Variants in CFAP54 observed in about 807,000 individuals in gnomAD.
The protein encoded by CFAP54 is cilia- and flagella-associated protein 54.
In CFAP54, 290 loss-of-function variants were observed where a neutral mutation model predicts 370.4. The ratio of observed to expected loss-of-function variants is 0.78; its 90% CI spans 0.71 to 0.86. The LOEUF (loss-of-function observed/expected upper bound fraction) is 0.86, where lower values mean the gene tolerates loss of function less well. CFAP54 is among the 40% of genes least tolerant of loss of function. The pLI is 0.00. For synonymous variants in CFAP54, 1,206 were observed against 1,236.5 expected, an observed-to-expected ratio of 0.98 and a Z score of 0.52; for missense variants, 3,399 against 3,528.7, an observed-to-expected ratio of 0.96 and a Z score of 0.93.
chr12:96,795,892 G>T (rs1362642835), intron 63 of CFAP54, among the ~76,000 whole-genome samples: 1 of 152,110 alleles, frequency 6.6e-6, no homozygotes, highest in East Asian at 1.9e-4. Context: ...TCCACTGGCA[G>T]CCCTCCCCAA....
intron 20 of CFAP54, among the ~76,000 whole-genome samples, chr12:96,579,314 G>A (rs1343355325): frequency 6.6e-6 from 1 of 151,862 alleles, no homozygotes; most frequent in Non-Finnish European, 1.5e-5. Flanking sequence ...AATGTTCTTT[G>A]GAAAGACAAA....
At chr12:96,674,342 T>C (rs950063654) in intron 39 of CFAP54, among the ~76,000 whole-genome samples, 18 of 139,850 alleles carry the variant, frequency 1.3e-4, no homozygotes, top group African/African-American at 5.2e-4. Context: ...TTTTCTTTTT[T>C]TTTTTTTTTT....
Position 96,807,522 on chromosome 12 carries a change from C to G in CFAP54, c.8851-4214C>G, listed in dbSNP as rs146535048. On this transcript the variant is annotated intron_variant, in intron 63 of 67. Coordinates refer to ENST00000524981, the MANE Select transcript of CFAP54 (RefSeq NM_001306084.2). ...AAATTCAATAGTCCTCAGTGTTTTT[C>G]AAAACCATATCACTTCTTTGCCATT... 2.0e-5 allele frequency among the ~76,000 whole-genome samples: 3 copies of G among 152,244 alleles called. No homozygotes were observed. In the East Asian group the frequency reaches 5.8e-4, roughly 29 times the overall value.
chr12:96,792,609 G>T lies in CFAP54; in HGVS notation c.8850+110G>T. 4 of 744,632 alleles carry T rather than the reference G, an allele frequency of 5.4e-6. No individual in the cohort carries two copies. In the South Asian group the frequency reaches 8.2e-5, roughly 15 times the overall value. 46.1% of individuals were successfully genotyped at this position (744,632 alleles called of 1,614,324 possible). ...TCTCTTATCATATAGATGAGAACAG[G>T]TATCAATATATAATCTACATTGTCT... On this transcript the variant is annotated intron_variant, in intron 63 of 67. Transcript: ENST00000524981.
At chr12:96,772,625 T>C (rs142223003) in intron 60 of CFAP54, among the ~76,000 whole-genome samples, 19 of 148,156 alleles carry the variant, frequency 1.3e-4, no homozygotes, top group African/African-American at 4.5e-4. Context: ...GGAGTTTTGC[T>C]CTTGTTGCCC....
chr12:96,601,894 T>C (rs1956246749), intron 26 of CFAP54, among the ~76,000 whole-genome samples: 1 of 152,208 alleles, frequency 6.6e-6, no homozygotes, highest in African/African-American at 2.4e-5. Flanking sequence ...CTGTTGATCT[T>C]TTCAAAAAAC....
chr12:96,744,099 T>A lies in CFAP54; in HGVS notation c.7637T>A (p.Ile2546Asn). Residue 2546 changes from isoleucine to asparagine, a missense_variant, in exon 55 of 68, where the codon ATC (isoleucine) becomes AAC (asparagine). Around this residue, in one of 3 missense-constraint regions of CFAP54, gnomAD observed 2,796 missense variants for 2,869.7 expected, o/e 0.97. Transcript: ENST00000524981. ...YANPLQPLKN[I>N]YLPHVMLLAK... ...AATCCATTACAGCCTTTGAAAAATA[T>A]CTATCTTCCCCATGTCATGTTATTG... 1.2e-6 allele frequency: 2 copies of A among 1,610,368 alleles called. No individual in the cohort carries two copies. The highest frequency in any genetic ancestry group is 1.7e-6 in the Non-Finnish European group (2 of 1,177,240).
Position 96,554,813 on chromosome 12 carries a change from C to G in CFAP54, c.2410+11C>G, listed in dbSNP as rs928446721. On this transcript the variant is annotated intron_variant, in intron 17 of 67. Coordinates refer to ENST00000524981, the MANE Select transcript of CFAP54 (RefSeq NM_001306084.2). ...TGGACAAATTGCAAGGTAGTAGTCA[C>G]TAAAGCAAGTAACCATTCTGAATCA... 1 of 1,523,510 alleles carries G rather than the reference C, an allele frequency of 6.6e-7. No homozygotes were observed. The highest frequency in any genetic ancestry group is 1.4e-5 in the African/African-American group (1 of 72,774). 94.4% of individuals were successfully genotyped at this position (1,523,510 alleles called of 1,614,324 possible).
intron 65 of CFAP54, among the ~76,000 whole-genome samples, chr12:96,827,965 C>T (rs1959141872): frequency 1.1e-5 from 1 of 89,952 alleles, no homozygotes. Flanking sequence ...ATATATAATA[C>T]ATAGTAATAT....
intron 39 of CFAP54, among the ~76,000 whole-genome samples, chr12:96,672,354 A>C (rs1957157000): frequency 6.6e-6 from 1 of 152,160 alleles, no homozygotes; most frequent in Non-Finnish European, 1.5e-5. Flanking sequence ...TGTAGGTGGT[A>C]AAGGTAGAGA....
intron 14 of CFAP54, among the ~76,000 whole-genome samples, chr12:96,541,966 C>G (rs961074510): frequency 1.3e-5 from 2 of 151,940 alleles, no homozygotes; most frequent in Admixed American, 6.6e-5. Context: ...TGTCTTCTCT[C>G]AAAGGATGGC....
intron 46 of CFAP54, among the ~76,000 whole-genome samples, chr12:96,702,058 C>T (rs560637301): frequency 3.9e-5 from 6 of 151,990 alleles, no homozygotes; most frequent in South Asian, 4.2e-4. Flanking sequence ...AACAGCAGTC[C>T]GGTTCTGGGT....
chr12:96,582,261 C>T (rs1040654498), intron 22 of CFAP54, among the ~76,000 whole-genome samples: 2 of 151,980 alleles, frequency 1.3e-5, no homozygotes, highest in Non-Finnish European at 1.5e-5. Context: ...TGTTTTTTGT[C>T]GAAATAGTTG....
In CFAP54 at chr12:96,679,592, C is replaced by T; in HGVS notation, c.5564-8C>T. On this transcript the variant is annotated splice_region_variant and splice_polypyrimidine_tract_variant and intron_variant, in intron 39 of 67. Transcript: ENST00000524981. ...CATCCCCAATATTCCGCTTTTCTTT[C>T]CTTTCAGAATACAGCCGAGCCAAAG... 6.2e-7 allele frequency: 1 copy of T among 1,605,002 alleles called. No homozygotes were observed. The highest frequency in any genetic ancestry group is 8.5e-7 in the Non-Finnish European group (1 of 1,175,714).
chr12:96,691,242 A>G lies in CFAP54; in HGVS notation c.6196A>G (p.Ile2066Val). The G allele has an allele frequency of 5.0e-6, 8 of 1,612,668 alleles. No homozygotes were observed. Among genetic ancestry groups the G allele is most frequent in the Non-Finnish European group, 6.8e-6 (8 of 1,179,384 alleles). ...ELFSDRYRAD[I>V]CSVIASLYYI... ...CTTCTCAGATAGATACAGGGCTGAC[A>G]TTTGCTCTGTAATTGCAAGTCTGTA... Residue 2066 changes from isoleucine to valine, a missense_variant, in exon 44 of 68, where the codon ATT (isoleucine) becomes GTT (valine). Around this residue, in one of 3 missense-constraint regions of CFAP54, gnomAD observed 2,796 missense variants for 2,869.7 expected, o/e 0.97. Transcript: ENST00000524981.
intron 63 of CFAP54, among the ~76,000 whole-genome samples, chr12:96,797,458 G>A (rs1223483638): frequency 6.6e-6 from 1 of 151,826 alleles, no homozygotes; most frequent in African/African-American, 2.4e-5. Context: ...TCATTGTTTA[G>A]TTTTTTCTTA....
chr12:96,528,739 C>G (rs1468248134), intron 9 of CFAP54, among the ~76,000 whole-genome samples: 1 of 152,088 alleles, frequency 6.6e-6, no homozygotes. Flanking sequence ...CAATATTTGA[C>G]CTTGTTGATC....
At chr12:96,510,790 C>T (rs972692646) in intron 4 of CFAP54, among the ~76,000 whole-genome samples, 3 of 151,894 alleles carry the variant, frequency 2.0e-5, no homozygotes, top group Non-Finnish European at 4.4e-5. Context: ...GGCAAGACCC[C>T]TGTCTCTACT....
intron 17 of CFAP54, among the ~76,000 whole-genome samples, chr12:96,560,048 C>T (rs940543412): frequency 3.9e-5 from 6 of 152,158 alleles, no homozygotes; most frequent in East Asian, 3.9e-4. Context: ...TATTTTAACA[C>T]GTGCATACAA....
Sources: gnomAD v4.1 joint callset for allele counts (sites outside exome capture counted in the v4.1 genomes callset) on GRCh38, gnomAD v4.1.1 for gene constraint, gnomAD v4.1.1 regional missense constraint, MANE v1.5 for transcripts, NCBI Gene and HGNC (gene_info 2026-07-23, HGNC 2026-07-21) for gene names.